Variants in KIF16B observed in about 807,000 individuals in gnomAD.
The protein encoded by KIF16B is kinesin family member 16B.
In KIF16B, 98 loss-of-function variants were observed where a neutral mutation model predicts 156.3. The ratio of observed to expected loss-of-function variants is 0.63; its 90% CI spans 0.53 to 0.74. The LOEUF (loss-of-function observed/expected upper bound fraction) is 0.74, where lower values mean the gene tolerates loss of function less well. Among genes scored for constraint, KIF16B ranks in the 30% least tolerant of loss-of-function variants. The pLI, the probability that KIF16B is intolerant of heterozygous loss-of-function variation, is 0.00. For synonymous variants in KIF16B, 564 were observed against 583.7 expected (o/e 0.97, Z 0.49); for missense variants, 1,421 against 1,606.5 (o/e 0.88, Z 1.97).
At chr20:16,400,552 T>C (rs2065626649) in intron 17 of KIF16B, among the ~76,000 whole-genome samples, 2 of 152,110 alleles carry the variant, frequency 1.3e-5, no homozygotes, top group African/African-American at 2.4e-5. Context: ...AACAAACAAG[T>C]TGGACACCCA....
chr20:16,544,792 G>A (rs1272825664), intron 1 of KIF16B, among the ~76,000 whole-genome samples: 1 of 151,960 alleles, frequency 6.6e-6, no homozygotes, highest in Admixed American at 6.6e-5. Flanking sequence ...GGCCAAAGAT[G>A]ATGTCCTGCT....
chr20:16,373,350 T>A (rs2064869416), intron 20 of KIF16B, among the ~76,000 whole-genome samples: 1 of 152,146 alleles, frequency 6.6e-6, no homozygotes, highest in Non-Finnish European at 1.5e-5. Flanking sequence ...CAAATATATA[T>A]CTCCTAATAT....
chr20:16,503,129 T>A, intron 10 of KIF16B, among the ~76,000 whole-genome samples: 1 of 152,184 alleles, frequency 6.6e-6, no homozygotes, highest in East Asian at 1.9e-4. Context: ...GAGAATTACT[T>A]GAACCCTGGA....
At chr20:16,351,006 C>T (rs1258192964) in intron 23 of KIF16B, among the ~76,000 whole-genome samples, 1 of 151,958 alleles carries the variant, frequency 6.6e-6, no homozygotes, top group Non-Finnish European at 1.5e-5. Flanking sequence ...AGCAACACGA[C>T]TGTGAGCTGT....
chr20:16,281,482 C>T (rs764444323), intron 25 of KIF16B, among the ~76,000 whole-genome samples: 11 of 152,294 alleles, frequency 7.2e-5, no homozygotes, highest in South Asian at 2.1e-4. Context: ...TATCACGCAT[C>T]GACCCAGTGT....
intron 12 of KIF16B, among the ~76,000 whole-genome samples, chr20:16,479,134 A>T (rs956092710): frequency 1.3e-5 from 2 of 152,216 alleles, no homozygotes; most frequent in Admixed American, 1.3e-4. Flanking sequence ...CATAATATGG[A>T]ACAAATATGG....
chr20:16,440,218 C>G (rs1268820593), intron 12 of KIF16B, among the ~76,000 whole-genome samples: 1 of 152,024 alleles, frequency 6.6e-6, no homozygotes, highest in Non-Finnish European at 1.5e-5. Context: ...AAAACAATAC[C>G]CAAGGCCAAG....
At chr20:16,555,645 T>C (rs190838474) in intron 1 of KIF16B, among the ~76,000 whole-genome samples, 10 of 152,274 alleles carry the variant, frequency 6.6e-5, no homozygotes, top group African/African-American at 2.2e-4. Context: ...CAAATATGCT[T>C]CAAGGGCTTA....
chr20:16,494,234 A>C, intron 12 of KIF16B, 57 bp downstream of exon 12: 2 of 1,049,624 alleles, frequency 1.9e-6, no homozygotes, highest in Admixed American at 2.5e-5. Flanking sequence ...AAAAAAAAAA[A>C]AGTTTTACCA....
intron 12 of KIF16B, among the ~76,000 whole-genome samples, chr20:16,439,532 T>C (rs1353565432): frequency 2.0e-5 from 3 of 152,174 alleles, no homozygotes; most frequent in African/African-American, 7.2e-5. Flanking sequence ...TTAGTCTGCC[T>C]GGAAAATTCT....
At chr20:16,326,390 G>A (rs781685918) in intron 24 of KIF16B, among the ~76,000 whole-genome samples, 31 of 151,328 alleles carry the variant, frequency 2.0e-4, no homozygotes, top group Admixed American at 5.9e-4. Context: ...GAAAATCTTT[G>A]CAAACTATGT....
chr20:16,488,220 C>G (rs958532057), intron 12 of KIF16B, among the ~76,000 whole-genome samples: 1 of 152,238 alleles, frequency 6.6e-6, no homozygotes, highest in African/African-American at 2.4e-5. Flanking sequence ...ACAGCACCCT[C>G]AGGGCTGCGA....
At chr20:16,568,680 T>C (rs916237128) in intron 1 of KIF16B, among the ~76,000 whole-genome samples, 1 of 151,906 alleles carries the variant, frequency 6.6e-6, no homozygotes, top group Non-Finnish European at 1.5e-5. Flanking sequence ...CCAAGTGTGG[T>C]GGTGTGCACC....
chr20:16,418,048 C>T (rs1463492046), intron 15 of KIF16B, among the ~76,000 whole-genome samples: 1 of 151,502 alleles, frequency 6.6e-6, no homozygotes, highest in Non-Finnish European at 1.5e-5. Context: ...TCGGCAAAAC[C>T]CAAACAGGTT....
chr20:16,402,876 A>C (rs2146250570), intron 17 of KIF16B, among the ~76,000 whole-genome samples: 1 of 152,328 alleles, frequency 6.6e-6, no homozygotes, highest in African/African-American at 2.4e-5. Flanking sequence ...GAGGAAAACT[A>C]TTTGAACTTA....
chr20:16,442,334 A>ATGTATGTGTGTG (rs1555773706), intron 12 of KIF16B, among the ~76,000 whole-genome samples: 5 of 145,180 alleles, frequency 3.4e-5, no homozygotes, highest in African/African-American at 1.3e-4. Context: ...CCATTTCACA[A>ATGTATGTGTGTG]TGTGTGTGTG....
chr20:16,473,387 C>G (rs766987663), intron 12 of KIF16B, among the ~76,000 whole-genome samples: 9 of 152,202 alleles, frequency 5.9e-5, no homozygotes, highest in Non-Finnish European at 1.2e-4. Flanking sequence ...AAAACAGTCC[C>G]TCAACAAACA....
At chr20:16,407,798 T>C (rs758120889) in intron 15 of KIF16B, among the ~76,000 whole-genome samples, 11 of 152,166 alleles carry the variant, frequency 7.2e-5, no homozygotes, top group Non-Finnish European at 1.3e-4. Context: ...TCTATAGATG[T>C]ATTTTTTTGT....
chr20:16,284,349 T>C (rs2063190849), intron 25 of KIF16B, among the ~76,000 whole-genome samples: 1 of 152,228 alleles, frequency 6.6e-6, no homozygotes, highest in Non-Finnish European at 1.5e-5. Flanking sequence ...ATAAGCTTTC[T>C]TTCAAAACAA....
Sources: gnomAD v4.1 joint callset for allele counts (sites outside exome capture counted in the v4.1 genomes callset) on GRCh38, gnomAD v4.1.1 for gene constraint, MANE v1.5 for transcripts, NCBI Gene and HGNC (gene_info 2026-07-23, HGNC 2026-07-21) for gene names.